Variants in SDHA observed in about 807,000 individuals in gnomAD.
SDHA encodes the protein succinate dehydrogenase complex flavoprotein subunit A.
Under a neutral mutation model 78.4 loss-of-function variants are expected in SDHA, and 48 were observed. The observed-to-expected ratio is 0.61, with a 90% CI of 0.49 to 0.78. SDHA has a LOEUF of 0.78. Among genes scored for constraint, SDHA ranks in the 30% least tolerant of loss-of-function variants. SDHA has a pLI of 0.00. For synonymous variants in SDHA, 326 were observed against 353.9 expected, an observed-to-expected ratio of 0.92 and a Z score of 0.88; for missense variants, 680 against 892.7, an observed-to-expected ratio of 0.76 and a Z score of 3.04.
chr5:240,239 A>G, intron 10 of SDHA, 119 bp from the exon 11 acceptor site: 2 of 698,674 alleles, frequency 2.9e-6, no homozygotes, highest in Non-Finnish European at 5.3e-6. Context: ...AGCTCAGGAG[A>G]CTTACAGAGT....
the SDHA span, among the ~76,000 whole-genome samples, chr5:262,354 G>A: frequency 2.5e-5 from 2 of 81,576 alleles, no homozygotes; most frequent in Non-Finnish European, 2.2e-5. Context: ...CCTCCCGGCA[G>A]AGCATTACCG....
intron 9 of SDHA, chr5:235,692 G>C (rs1340690018): frequency 2.7e-6 from 1 of 366,376 alleles, no homozygotes; most frequent in Non-Finnish European, 5.2e-6. Context: ...AGTCACTTAG[G>C]CTCCTTGTTG....
intron 11 of SDHA, among the ~76,000 whole-genome samples, chr5:243,588 A>T (rs1373336427): frequency 5.3e-5 from 8 of 152,170 alleles, no homozygotes; most frequent in African/African-American, 1.9e-4. Flanking sequence ...GTAGAGAACA[A>T]TACCCTTCCT....
chr5:255,139 AG>A (rs35021524), intron 14 of SDHA, among the ~76,000 whole-genome samples: 90,160 of 130,358 alleles, frequency 0.69, 31,883 homozygotes, highest in Non-Finnish European at 0.73. Context: ...AGGGTGTGGT[AG>A]GGGGGTCGCA....
At chr5:250,727 T>C in intron 11 of SDHA, 1 of 431,978 alleles carries the variant, frequency 2.3e-6, no homozygotes, top group Non-Finnish European at 4.3e-6. Context: ...CTTGGAGTCC[T>C]GGACCCTGGC....
At chr5:240,906 C>A (rs2126604419) in intron 11 of SDHA, among the ~76,000 whole-genome samples, 1 of 152,090 alleles carries the variant, frequency 6.6e-6, no homozygotes, top group African/African-American at 2.4e-5. Flanking sequence ...ACCACATTTT[C>A]TTCATCTGGT....
chr5:233,379 TTTTCCTC>T (rs1232451316), intron 7 of SDHA, 91 bp from the exon 8 acceptor site: 2 of 1,337,210 alleles, frequency 1.5e-6, no homozygotes, highest in Non-Finnish European at 2.1e-6. Flanking sequence ...CTGCTTATCT[TTTTCCTC>T]TTTCCCCCAA....
chr5:230,390 G>A (rs1044824168), intron 6 of SDHA, among the ~76,000 whole-genome samples: 4 of 152,174 alleles, frequency 2.6e-5, no homozygotes, highest in African/African-American at 9.7e-5. Context: ...ACTTTGGGAG[G>A]CCAAAGTGGG....
intron 8 of SDHA, chr5:234,820 G>T: frequency 2.6e-6 from 1 of 383,860 alleles, no homozygotes; most frequent in South Asian, 2.4e-5. Context: ...CCACGGATAC[G>T]CAGGGACGAC....
intron 7 of SDHA, 27 bp from the exon 8 acceptor site, chr5:233,450 G>T (rs1355300556): frequency 6.2e-7 from 1 of 1,610,898 alleles, no homozygotes; most frequent in Admixed American, 1.7e-5. Context: ...CAATTGTTAG[G>T]TAATAAATAT....
At chr5:228,941 A>G (rs1318297876) in intron 6 of SDHA, among the ~76,000 whole-genome samples, 1 of 152,212 alleles carries the variant, frequency 6.6e-6, no homozygotes, top group African/African-American at 2.4e-5. Flanking sequence ...CAACCCTACT[A>G]AAAATGGGCA....
chr5:252,237 AGGAG>A (rs1736882499), intron 13 of SDHA, among the ~76,000 whole-genome samples: 1 of 135,546 alleles, frequency 7.4e-6, no homozygotes, highest in Admixed American at 7.2e-5. Context: ...TTATTAAATA[AGGAG>A]TAAGCCACCG....
At chr5:259,089 A>C (rs374288350), downstream of SDHA, among the ~76,000 whole-genome samples, 8 of 40,634 alleles carry the variant, frequency 2.0e-4, no homozygotes, top group South Asian at 1.1e-3. Flanking sequence ...GCCTCCCGTC[A>C]GAGCATTACC....
the SDHA span, among the ~76,000 whole-genome samples, chr5:267,925 C>G: frequency 6.6e-6 from 1 of 152,160 alleles, no homozygotes; most frequent in African/African-American, 2.4e-5. Flanking sequence ...CCCCTGGTGA[C>G]GGGACTCAGG....
At chr5:259,439 A>T (rs1406946784), downstream of SDHA, among the ~76,000 whole-genome samples, 47 of 12,514 alleles carry the variant, frequency 3.8e-3, no homozygotes, top group South Asian at 5.1e-3. Flanking sequence ...CCGCCTCCCG[A>T]CAGAGCATTA....
In SDHA at chr5:256,385, T is replaced by C. The variant is rs60587941; in HGVS notation, c.1960T>C (p.Cys654Arg). 6.2e-7 allele frequency: 1 copy of C among 1,613,968 alleles called. No homozygotes were observed. Among genetic ancestry groups the C allele is most frequent in the Non-Finnish European group, 8.5e-7 (1 of 1,179,820 alleles). The change falls in exon 15 of 15, where the codon TGT becomes CGT. Residue 654 changes from cysteine to arginine, a missense_variant. By Grantham distance (180) the Cys-to-Arg change is radical. Transcript: ENST00000264932. ...CGACAAAACTTTGAACGAGGCTGACTGTGCCACCGTCCCGCCAGCCATTCG... is the reference window on the plus strand; with the variant it reads ...CGACAAAACTTTGAACGAGGCTGACCGTGCCACCGTCCCGCCAGCCATTCG... ...VIDKTLNEAD[C>R]ATVPPAIRSY
chr5:223,291 G>T (rs1426035654), intron 1 of SDHA, among the ~76,000 whole-genome samples, 191 bp from the exon 2 acceptor site: 1 of 152,214 alleles, frequency 6.6e-6, no homozygotes, highest in Non-Finnish European at 1.5e-5. Context: ...AGGACCTGGG[G>T]GCTCAGTCCT....
chr5:258,451 CTT>C (rs1737349198), downstream of SDHA, among the ~76,000 whole-genome samples: 1 of 125,292 alleles, frequency 8.0e-6, no homozygotes, highest in Admixed American at 7.5e-5. Context: ...AGCTCCATCT[CTT>C]GTCAGAGCAT....
chr5:233,051 A>G (rs1245759208), intron 7 of SDHA, among the ~76,000 whole-genome samples: 1 of 152,264 alleles, frequency 6.6e-6, no homozygotes, highest in Admixed American at 6.5e-5. Context: ...ATTATCTAAA[A>G]TAATCATTAT....
Sources: gnomAD v4.1 joint callset for allele counts (sites outside exome capture counted in the v4.1 genomes callset) on GRCh38, gnomAD v4.1.1 for gene constraint, MANE v1.5 for transcripts, NCBI Gene and HGNC (gene_info 2026-07-23, HGNC 2026-07-21) for gene names.